KDM3B: variants seen among roughly 807,000 people sequenced by gnomAD.
The protein encoded by KDM3B is lysine demethylase 3B.
KDM3B carries 10 observed loss-of-function variants against 170.0 expected under a neutral mutation model. That is an observed-to-expected ratio of 0.06 (90% confidence interval 0.04 to 0.10). The LOEUF (loss-of-function observed/expected upper bound fraction) is 0.10. Among genes scored for constraint, KDM3B ranks in the 10% least tolerant of loss-of-function variants. The pLI, the probability that KDM3B is intolerant of heterozygous loss-of-function variation, is 1.00. For missense variants in KDM3B, 1,394 were observed against 2,195.2 expected, an observed-to-expected ratio of 0.64 and a Z score of 7.29; for synonymous variants, 831 against 834.8, an observed-to-expected ratio of 1.00 and a Z score of 0.08.
At chr5:138,393,504 CTG>C in intron 9 of KDM3B, 132 bp downstream of exon 9, 1 of 712,838 alleles carries the variant, frequency 1.4e-6, no homozygotes, top group South Asian at 1.9e-5. Flanking sequence ...CTCTCAGCGT[CTG>C]TGAAGAGGCT....
intron 14 of KDM3B, among the ~76,000 whole-genome samples, chr5:138,419,716 TATACACACAC>T (rs1763216290): frequency 2.3e-5 from 2 of 87,180 alleles, no homozygotes; most frequent in East Asian, 4.6e-4. Flanking sequence ...CACACATATA[TATACACACAC>T]ATACACACAC....
chr5:138,355,827 A>G (rs1580869042), intron 1 of KDM3B, among the ~76,000 whole-genome samples: 2 of 152,336 alleles, frequency 1.3e-5, no homozygotes, highest in East Asian at 3.9e-4. Flanking sequence ...TTATAAAAGC[A>G]AAGCTTGTAA....
At chr5:138,429,228 T>C (rs1580960366) in intron 20 of KDM3B, among the ~76,000 whole-genome samples, 2 of 152,232 alleles carry the variant, frequency 1.3e-5, no homozygotes, top group African/African-American at 4.8e-5. Context: ...ATTTTTGTAT[T>C]TTTAGTAGAG....
chr5:138,393,325 G>A lies in KDM3B; in HGVS notation c.2784G>A (p.Gln928=). ...RLERYRKFKE[Q]EQDDSTVACR... is the part of the protein sequence containing the mutation. ...AGCGGTACCGGAAGTTTAAGGAACAGGAGCAAGATGATTCTACTGTAGCCT... is the reference window on the plus strand; with the variant it reads ...AGCGGTACCGGAAGTTTAAGGAACAAGAGCAAGATGATTCTACTGTAGCCT... The change falls in exon 9 of 24, where the codon CAG becomes CAA. Residue 928 remains glutamine, a synonymous_variant. Coordinates refer to ENST00000314358, the MANE Select transcript of KDM3B (RefSeq NM_016604.4). 6.2e-7 allele frequency: 1 copy of A among 1,614,210 alleles called. No individual in the cohort carries two copies. Among genetic ancestry groups the A allele is most frequent in the African/African-American group, 1.3e-5 (1 of 75,060 alleles).
At chr5:138,390,440 G>A (rs1213213521) in intron 7 of KDM3B, among the ~76,000 whole-genome samples, 1 of 152,140 alleles carries the variant, frequency 6.6e-6, no homozygotes, top group Non-Finnish European at 1.5e-5. Flanking sequence ...AATAGATGCC[G>A]AAATCCAAAA....
At chr5:138,428,305 A>T (rs775064583) in intron 20 of KDM3B, among the ~76,000 whole-genome samples, 7 of 150,232 alleles carry the variant, frequency 4.7e-5, no homozygotes, top group Non-Finnish European at 5.9e-5. Flanking sequence ...GCTGCCTCCC[A>T]CGTTCAAGCG....
At chr5:138,426,574 CAAAA>C (rs566978034) in intron 17 of KDM3B, among the ~76,000 whole-genome samples, 23 of 69,174 alleles carry the variant, frequency 3.3e-4, no homozygotes, top group African/African-American at 1.3e-3. Flanking sequence ...GACTCCATCT[CAAAA>C]AAAAAAAAAA....
intron 11 of KDM3B, among the ~76,000 whole-genome samples, chr5:138,410,413 G>A (rs1359097026): frequency 6.6e-6 from 1 of 152,140 alleles, no homozygotes; most frequent in Admixed American, 6.6e-5. Context: ...TACGACAAAG[G>A]TGCCAAGGTA....
In KDM3B at chr5:138,392,360, T is replaced by A; in HGVS notation, c.2629+99T>A. 8.1e-6 allele frequency: 10 copies of A among 1,228,736 alleles called. No individual in the cohort carries two copies. In the South Asian group the frequency reaches 2.3e-4, roughly 29 times the overall value. The allele number at this position is 1,228,736 out of a possible 1,614,324, so 76.1% of individuals were successfully genotyped here. A position where few individuals can be genotyped will look rare whatever the true frequency, so the allele number is the denominator to read the frequency against. On this transcript the variant is annotated intron_variant, in intron 8 of 23. Transcript: ENST00000314358. ...AGAGGCACTCACTTTGATGGAGAGTTCTGTAATCTCATAGAATTACAGAGC... is the reference window on the plus strand; with the variant it reads ...AGAGGCACTCACTTTGATGGAGAGTACTGTAATCTCATAGAATTACAGAGC...
intron 23 of KDM3B, among the ~76,000 whole-genome samples, chr5:138,431,895 G>A (rs1763541078): frequency 6.6e-6 from 1 of 150,666 alleles, no homozygotes; most frequent in East Asian, 1.9e-4. Flanking sequence ...CTGGGCAACA[G>A]AGCAAGACTC....
intron 12 of KDM3B, among the ~76,000 whole-genome samples, chr5:138,416,604 A>C (rs1403580018): frequency 4.0e-5 from 6 of 151,480 alleles, no homozygotes; most frequent in Admixed American, 6.6e-5. Flanking sequence ...AAAAAAAAAA[A>C]AAAAAACATA....
chr5:138,403,545 C>T (rs895034012), intron 11 of KDM3B, among the ~76,000 whole-genome samples: 1 of 151,908 alleles, frequency 6.6e-6, no homozygotes, highest in African/African-American at 2.4e-5. Flanking sequence ...GGCATGGTGG[C>T]GGGTGCCTGT....
chr5:138,399,626 AT>A (rs1372512622), intron 10 of KDM3B, among the ~76,000 whole-genome samples: 1 of 152,140 alleles, frequency 6.6e-6, no homozygotes, highest in African/African-American at 2.4e-5. Flanking sequence ...ATATCCTGGT[AT>A]TACCATGAGC....
chr5:138,435,747 C>A lies in KDM3B; in HGVS notation c.*47C>A. 1.4e-6 allele frequency: 2 copies of A among 1,415,028 alleles called. No homozygotes were observed. The highest frequency in any genetic ancestry group is 2.0e-6 in the Non-Finnish European group (2 of 1,009,268). 87.7% of individuals were successfully genotyped at this position (1,415,028 alleles called of 1,614,324 possible). ...CTCTGTGAAGCAGGTCTTTCACTCA[C>A]AACACTTAACAGGGAACGGCAGGGC... On this transcript the variant is annotated 3_prime_UTR_variant, in exon 24 of 24. Transcript: ENST00000314358.
Position 138,357,366 on chromosome 5 carries a change from A to ATT in KDM3B, c.192+4392_192+4393dup, listed in dbSNP as rs397715674. On this transcript the variant is annotated intron_variant, in intron 1 of 23. Transcript: ENST00000314358. ...CCTATATAAATATACTTTAAAAAACATTTTTTTTTTTTTTGAGACAGGGTC... is the reference window on the plus strand; with the variant it reads ...CCTATATAAATATACTTTAAAAAACATTTTTTTTTTTTTTTTGAGACAGGGTC... Among the ~76,000 whole-genome samples, 207 of 145,950 alleles carry ATT rather than the reference A, an allele frequency of 1.4e-3. 1 individual carries two copies. The highest frequency in any genetic ancestry group is 1.3e-3 in the South Asian group (6 of 4,624).
chr5:138,415,159 T>G lies in KDM3B; in HGVS notation c.3227T>G (p.Val1076Gly). ...ACAGAAGAGATGGGTGATGAAGAAG[T>G]TTTCTCCTGGTTGAAGTGTGCAAAG... ...SETEEMGDEE[V>G]FSWLKCAKGQ... Residue 1076 changes from valine to glycine, a missense_variant, in exon 12 of 24, where the codon GTT becomes GGT. Val to Gly is a moderately radical substitution (Grantham distance 109). Coordinates refer to ENST00000314358, the MANE Select transcript of KDM3B (RefSeq NM_016604.4). 2 of 1,608,808 alleles carry G rather than the reference T, an allele frequency of 1.2e-6. No individual in the cohort carries two copies. The highest frequency in any genetic ancestry group is 1.7e-6 in the Non-Finnish European group (2 of 1,176,240).
Position 138,391,301 on chromosome 5 carries a change from T to G in KDM3B, c.1669T>G (p.Phe557Val). The G allele has an allele frequency of 3.1e-6, 5 of 1,614,218 alleles. No homozygotes were observed. The highest frequency in any genetic ancestry group is 4.2e-6 in the Non-Finnish European group (5 of 1,180,042). Residue 557 changes from phenylalanine to valine, a missense_variant, in exon 8 of 24, where the codon TTC becomes GTC. Physicochemically the swap from Phe to Val is conservative, Grantham distance 50 (BLOSUM62 -1). This residue lies in a region of KDM3B where 294 missense variants were observed against 311.7 expected (regional missense o/e 0.94). Transcript: ENST00000314358. The surrounding 1 kb of genome is among the most constrained non-coding windows in gnomAD (Gnocchi z 5.0). ...LADDSSSRDS[F>V]KQSLESLSSG... ...TGATGATTCTTCTAGTCGGGACTCA[T>G]TCAAACAAAGCCTTGAGAGCCTGAG...
intron 1 of KDM3B, among the ~76,000 whole-genome samples, chr5:138,362,319 A>G (rs960537605): frequency 1.3e-5 from 2 of 151,894 alleles, no homozygotes; most frequent in African/African-American, 2.4e-5. Context: ...AAGGAACTCT[A>G]TTGTCATGAA....
intron 11 of KDM3B, among the ~76,000 whole-genome samples, chr5:138,404,409 C>T (rs989796714): frequency 2.0e-5 from 3 of 152,156 alleles, no homozygotes; most frequent in Admixed American, 2.0e-4. Context: ...GGCGGGATCA[C>T]CTGAGGTCGG....
Sources: allele counts gnomAD v4.1 joint callset (sites outside exome capture counted in the v4.1 genomes callset), GRCh38; gene constraint gnomAD v4.1.1; regional missense constraint gnomAD v4.1.1; non-coding constraint Gnocchi (gnomAD v3.1); transcripts MANE v1.5; gene names NCBI Gene and HGNC (gene_info 2026-07-23, HGNC 2026-07-21).